The following KAZN variants were observed in gnomAD, a reference collection of about 807,000 sequenced individuals.
KAZN encodes kazrin.
In KAZN, 40 loss-of-function variants were observed where a neutral mutation model predicts 87.4. That is an observed-to-expected ratio of 0.46 (90% CI 0.36 to 0.60). The LOEUF (loss-of-function observed/expected upper bound fraction) is 0.60. Ranked by LOEUF, KAZN falls within the 20% of genes least tolerant of loss-of-function variation. The pLI, the probability that KAZN is intolerant of heterozygous loss-of-function variation, is 0.00. For synonymous variants in KAZN, 466 were observed against 458.3 expected (o/e 1.02, Z -0.22); for missense variants, 898 against 1,073.9 (o/e 0.84, Z 2.29).
At chr1:13,943,565 T>C (rs1453664703) in intron 1 of KAZN, among the ~76,000 whole-genome samples, 2 of 152,038 alleles carry the variant, frequency 1.3e-5, no homozygotes, top group Admixed American at 6.5e-5. Flanking sequence ...CTAGAGAATG[T>C]ATTCTAAAAT....
chr1:14,580,169 C>T (rs1223200213), intron 2 of KAZN, among the ~76,000 whole-genome samples: 2 of 152,186 alleles, frequency 1.3e-5, no homozygotes, highest in East Asian at 1.9e-4. Flanking sequence ...CCATTGCTGG[C>T]GAATGTATCT....
chr1:14,706,495 A>C (rs773315129), intron 1 of KAZN, among the ~76,000 whole-genome samples: 84 of 150,976 alleles, frequency 5.6e-4, no homozygotes, highest in African/African-American at 1.6e-3. Context: ...TCCCAACACA[A>C]AAAAAAAATA....
intron 2 of KAZN, among the ~76,000 whole-genome samples, chr1:14,250,671 G>A (rs2100610943): frequency 6.6e-6 from 1 of 151,814 alleles, no homozygotes; most frequent in South Asian, 2.1e-4. Context: ...TGTATTATTT[G>A]AGTAAAACAT....
chr1:14,907,970 A>C (rs1351442112), intron 1 of KAZN, among the ~76,000 whole-genome samples: 1 of 152,246 alleles, frequency 6.6e-6, no homozygotes, highest in Non-Finnish European at 1.5e-5. Context: ...CTGGGGCTCC[A>C]TGAGATAGGT....
chr1:14,514,415 A>T (rs866044333), intron 2 of KAZN, among the ~76,000 whole-genome samples: 1,874 of 11,836 alleles, frequency 0.16, 603 homozygotes, highest in African/African-American at 0.31. Flanking sequence ...ATAATATATA[A>T]ATATATATAT....
chr1:15,093,851 G>T (rs1447455808), intron 8 of KAZN, among the ~76,000 whole-genome samples: 2 of 152,242 alleles, frequency 1.3e-5, no homozygotes, highest in African/African-American at 4.8e-5. Context: ...GCAGGTTTGT[G>T]TGACCCAGTT....
chr1:14,756,804 A>G lies in KAZN; in HGVS notation c.226+157581A>G, dbSNP rs1644580016. On this transcript the variant is annotated intron_variant, in intron 1 of 14. Coordinates refer to ENST00000376030, the MANE Select transcript of KAZN (RefSeq NM_201628.3). The stretch of plus-strand genomic sequence containing the variant: ...TCTTACTAAAGAGTTTGTTGAAAGA[A>G]GAACAATTAATCTCTTTGTCTTAAC... Among the ~76,000 whole-genome samples the G allele has an allele frequency of 2.0e-5, 3 of 151,404 alleles. No homozygotes were observed. The South Asian group carries it at 6.2e-4, about 31-fold the overall frequency.
intron 1 of KAZN, among the ~76,000 whole-genome samples, chr1:14,719,609 C>T (rs749546591): frequency 6.6e-6 from 1 of 152,160 alleles, no homozygotes; most frequent in East Asian, 1.9e-4. Context: ...GAGGCCAAGG[C>T]GGGCGGATCA....
chr1:14,726,520 C>G (rs561673954), intron 1 of KAZN, among the ~76,000 whole-genome samples: 1 of 152,296 alleles, frequency 6.6e-6, no homozygotes, highest in Admixed American at 6.5e-5. Context: ...AGAGCCTGTC[C>G]AAAGTCATCC....
chr1:14,416,779 T>C (rs893554281), intron 2 of KAZN, among the ~76,000 whole-genome samples: 2 of 151,760 alleles, frequency 1.3e-5, no homozygotes, highest in Non-Finnish European at 2.9e-5. Context: ...TTTTATTATA[T>C]ATAAGCAAAA....
chr1:14,982,617 C>T (rs989796475), intron 2 of KAZN, among the ~76,000 whole-genome samples: 2 of 151,896 alleles, frequency 1.3e-5, no homozygotes, highest in Non-Finnish European at 2.9e-5. Context: ...AGTAGAGATG[C>T]GGTTTCACCA....
At chr1:14,216,556 G>T (rs1275879566) in intron 2 of KAZN, among the ~76,000 whole-genome samples, 1 of 152,200 alleles carries the variant, frequency 6.6e-6, no homozygotes, top group Non-Finnish European at 1.5e-5. Flanking sequence ...AGAAGGTGCT[G>T]TAAAGCCTAA....
chr1:14,149,098 TC>T (rs1378388669), intron 1 of KAZN, among the ~76,000 whole-genome samples: 3,286 of 81,730 alleles, frequency 0.04, 279 homozygotes, highest in African/African-American at 0.12. Context: ...TTCCTTTCTT[TC>T]TTTCCTTTTT....
At chr1:14,768,876 T>C (rs1282136610) in intron 1 of KAZN, among the ~76,000 whole-genome samples, 1 of 152,224 alleles carries the variant, frequency 6.6e-6, no homozygotes, top group Non-Finnish European at 1.5e-5. Flanking sequence ...AAGCCGGAGA[T>C]TCGCGCCATG....
At chr1:13,930,254 C>G (rs904087372) in intron 1 of KAZN, among the ~76,000 whole-genome samples, 1 of 152,166 alleles carries the variant, frequency 6.6e-6, no homozygotes, top group African/African-American at 2.4e-5. Flanking sequence ...CCAAGTCTCA[C>G]GTTTCTGCTA....
chr1:14,636,834 G>A (rs1267678219), intron 1 of KAZN, among the ~76,000 whole-genome samples: 1 of 152,198 alleles, frequency 6.6e-6, no homozygotes, highest in Non-Finnish European at 1.5e-5. Flanking sequence ...ATCCTCCTTA[G>A]GAGGGGAGAA....
At chr1:14,659,231 A>C (rs1164462945) in intron 1 of KAZN, among the ~76,000 whole-genome samples, 2 of 152,032 alleles carry the variant, frequency 1.3e-5, no homozygotes, top group Admixed American at 6.5e-5. Context: ...CTTGTCTTAA[A>C]ATAAAATAAA....
At chr1:14,112,954 G>C (rs906416502) in intron 1 of KAZN, among the ~76,000 whole-genome samples, 103 of 152,228 alleles carry the variant, frequency 6.8e-4, no homozygotes, top group African/African-American at 2.4e-3. Context: ...AGTCTTGCCT[G>C]TCACTAACTG....
intron 1 of KAZN, among the ~76,000 whole-genome samples, chr1:14,088,984 G>T (rs1160898795): frequency 2.1e-5 from 3 of 142,146 alleles, no homozygotes; most frequent in Admixed American, 7.0e-5. Context: ...GTGGTTGCAT[G>T]CCTTACCATT....
Sources: allele counts gnomAD v4.1 joint callset (sites outside exome capture counted in the v4.1 genomes callset), GRCh38; gene constraint gnomAD v4.1.1; transcripts MANE v1.5; gene names NCBI Gene and HGNC (gene_info 2026-07-23, HGNC 2026-07-21).